The following HPSE2 variants were observed in gnomAD, a reference collection of about 807,000 sequenced individuals.
HPSE2 encodes the protein heparanase 2 (inactive).
HPSE2 carries 38 observed loss-of-function variants against 60.5 expected under a neutral mutation model. The ratio of observed to expected loss-of-function variants is 0.63; its 90% CI spans 0.48 to 0.82. HPSE2 has a LOEUF of 0.82. Ranked by LOEUF, HPSE2 falls within the 40% of genes least tolerant of loss-of-function variation. The probability of loss-of-function intolerance (pLI) is 0.00; values close to 1 mark genes in which losing one functional copy is unlikely to be tolerated. For synonymous variants in HPSE2, 295 were observed against 293.2 expected (o/e 1.01, Z -0.06); for missense variants, 713 against 740.4 (o/e 0.96, Z 0.43).
intron 9 of HPSE2, among the ~76,000 whole-genome samples, chr10:98,558,493 C>T (rs576304125): frequency 1.3e-5 from 2 of 152,120 alleles, no homozygotes; most frequent in African/African-American, 2.4e-5. Context: ...TAATGTTGAG[C>T]GAAAAAATCC....
intron 2 of HPSE2, among the ~76,000 whole-genome samples, chr10:99,215,771 C>T (rs113077697): frequency 8.5e-5 from 13 of 152,140 alleles, no homozygotes; most frequent in African/African-American, 2.7e-4. Context: ...GAAACGGCCA[C>T]GGAGTGAGAG....
rs575548519 is a variant in HPSE2, at chr10:98,624,146, T to G, written c.1099-3438A>C. ...AAGTTTTTGTTCTTGTTGTCTTACA[T>G]TTTAGTCAAGGGAAGGAGAATAATA... On this transcript the variant is annotated intron_variant, in intron 7 of 11. Coordinates refer to ENST00000370552, the MANE Select transcript of HPSE2 (RefSeq NM_021828.5). Among the ~76,000 whole-genome samples, 25 of 152,244 alleles carry G rather than the reference T, an allele frequency of 1.6e-4. No individual in the cohort carries two copies. The South Asian group carries it at 5.2e-3, about 32-fold the overall frequency.
chr10:99,139,397 TA>T lies in HPSE2; in HGVS notation c.610+4840del, dbSNP rs1258444001. 5.9e-5 allele frequency among the ~76,000 whole-genome samples: 9 copies of T among 152,076 alleles called. No individual in the cohort carries two copies. In the East Asian group the frequency reaches 1.5e-3, roughly 26 times the overall value. On this transcript the variant is annotated intron_variant, in intron 3 of 11. Transcript: ENST00000370552. ...ACTTCATCACTATACAATTCATCCA[TA>T]AAACCAAAAACCACTTGTACCCCTA...
At chr10:99,077,941 A>C (rs7894826) in intron 3 of HPSE2, among the ~76,000 whole-genome samples, 128,437 of 152,004 alleles carry the variant, frequency 0.84, 55,256 homozygotes, top group South Asian at 0.97. Context: ...TTCATGCCCT[A>C]CTCACAGTAA....
At chr10:99,014,111 AC>A (rs1405263223) in intron 3 of HPSE2, among the ~76,000 whole-genome samples, 1 of 151,978 alleles carries the variant, frequency 6.6e-6, no homozygotes, top group East Asian at 1.9e-4. Context: ...GGAGGCCAAA[AC>A]CCAGGTCACC....
At chr10:98,633,221 CAG>C (rs889446308) in intron 7 of HPSE2, among the ~76,000 whole-genome samples, 41 of 151,898 alleles carry the variant, frequency 2.7e-4, no homozygotes, top group African/African-American at 9.7e-4. Context: ...TTTTTGGAAA[CAG>C]GGTCTTGTTT....
intron 3 of HPSE2, among the ~76,000 whole-genome samples, chr10:98,919,745 C>A (rs1284138039): frequency 6.6e-6 from 1 of 151,914 alleles, no homozygotes; most frequent in African/African-American, 2.4e-5. Context: ...AAAGTTTTAA[C>A]AAATTCCAGA....
At chr10:99,209,266 G>A (rs1848871815) in intron 2 of HPSE2, among the ~76,000 whole-genome samples, 1 of 152,058 alleles carries the variant, frequency 6.6e-6, no homozygotes, top group African/African-American at 2.4e-5. Context: ...AACAAATTAA[G>A]GAAGACTGAA....
chr10:98,696,741 C>T (rs565596234), intron 5 of HPSE2, among the ~76,000 whole-genome samples: 11 of 152,236 alleles, frequency 7.2e-5, no homozygotes, highest in East Asian at 1.9e-4. Flanking sequence ...AGGGGAGGGG[C>T]GACAGCCAAC....
intron 6 of HPSE2, among the ~76,000 whole-genome samples, chr10:98,682,261 C>T (rs1346046314): frequency 1.3e-5 from 2 of 152,222 alleles, no homozygotes; most frequent in Non-Finnish European, 2.9e-5. Context: ...TGTGCTCCCA[C>T]TTTGCTTTCC....
chr10:99,161,214 CTG>C (rs1846828631), intron 2 of HPSE2, among the ~76,000 whole-genome samples: 1 of 146,340 alleles, frequency 6.8e-6, no homozygotes, highest in Non-Finnish European at 1.5e-5. Context: ...GAGTGAGACT[CTG>C]TTAAAAAAAA....
intron 10 of HPSE2, among the ~76,000 whole-genome samples, chr10:98,486,538 C>T (rs1252842): frequency 0.072 from 10,949 of 151,742 alleles, 1,263 homozygotes; most frequent in African/African-American, 0.25. Flanking sequence ...TGGGAGGAGG[C>T]GGAAGTGAGT....
At chr10:98,526,986 G>A (rs557606164) in intron 9 of HPSE2, among the ~76,000 whole-genome samples, 2 of 152,268 alleles carry the variant, frequency 1.3e-5, no homozygotes, top group African/African-American at 4.8e-5. Context: ...GTGCAGTATT[G>A]ATGTGATTTA....
intron 3 of HPSE2, among the ~76,000 whole-genome samples, chr10:99,100,844 T>C (rs1843940482): frequency 6.6e-6 from 1 of 152,172 alleles, no homozygotes; most frequent in African/African-American, 2.4e-5. Flanking sequence ...TATTCAACAT[T>C]CTTAAAGAAA....
chr10:98,970,939 T>C (rs1159399045), intron 3 of HPSE2, among the ~76,000 whole-genome samples: 1 of 152,138 alleles, frequency 6.6e-6, no homozygotes, highest in Non-Finnish European at 1.5e-5. Flanking sequence ...ATAAAACCAA[T>C]AAAATATTTA....
At chr10:99,107,403 C>T (rs1391044931) in intron 3 of HPSE2, among the ~76,000 whole-genome samples, 2 of 151,998 alleles carry the variant, frequency 1.3e-5, no homozygotes, top group East Asian at 1.9e-4. Flanking sequence ...TTTTTCTAGC[C>T]CTTTATCATG....
chr10:99,087,547 A>T (rs944721116), intron 3 of HPSE2, among the ~76,000 whole-genome samples: 1 of 152,168 alleles, frequency 6.6e-6, no homozygotes, highest in Non-Finnish European at 1.5e-5. Flanking sequence ...CTTTTCTCTT[A>T]GATGTGCACA....
intron 6 of HPSE2, among the ~76,000 whole-genome samples, chr10:98,648,569 C>T (rs1328256478): frequency 6.6e-6 from 1 of 151,764 alleles, no homozygotes; most frequent in African/African-American, 2.4e-5. Flanking sequence ...CTCCTGAGGC[C>T]AAGAGTTTGA....
intron 3 of HPSE2, among the ~76,000 whole-genome samples, chr10:98,937,590 G>C (rs1216300506): frequency 2.1e-5 from 3 of 142,634 alleles, no homozygotes; most frequent in South Asian, 2.1e-4. Flanking sequence ...CTGGAAGCTC[G>C]AACTGGGTGG....
Sources: allele counts gnomAD v4.1 joint callset (sites outside exome capture counted in the v4.1 genomes callset), GRCh38; gene constraint gnomAD v4.1.1; transcripts MANE v1.5; gene names NCBI Gene and HGNC (gene_info 2026-07-23, HGNC 2026-07-21).